The following SLIT3 variants were observed in gnomAD, a reference collection of about 807,000 sequenced individuals.
SLIT3 encodes slit guidance ligand 3.
SLIT3 carries 68 observed loss-of-function variants against 184.0 expected under a neutral mutation model. That is an observed-to-expected ratio of 0.37 (90% confidence interval 0.30 to 0.45). The LOEUF is 0.45. Among genes scored for constraint, SLIT3 ranks in the 20% least tolerant of loss-of-function variants. SLIT3 has a pLI of 1.00. For missense variants in SLIT3, 1,707 were observed against 2,026.0 expected (o/e 0.84, Z 3.02); for synonymous variants, 831 against 828.6 (o/e 1.00, Z -0.05).
intron 5 of SLIT3, among the ~76,000 whole-genome samples, chr5:168,846,633 A>G (rs1369179583): frequency 6.6e-6 from 1 of 152,206 alleles, no homozygotes; most frequent in Non-Finnish European, 1.5e-5. Flanking sequence ...TTCGGCAAAA[A>G]TGGCACCATC....
intron 4 of SLIT3, among the ~76,000 whole-genome samples, chr5:169,089,595 C>G (rs975053948): frequency 1.3e-4 from 20 of 152,180 alleles, no homozygotes; most frequent in African/African-American, 4.6e-4. Flanking sequence ...GTGGTGAATC[C>G]TTCACTCTGG....
chr5:168,920,250 C>G (rs1404974681), intron 4 of SLIT3, among the ~76,000 whole-genome samples: 1 of 152,174 alleles, frequency 6.6e-6, no homozygotes, highest in Non-Finnish European at 1.5e-5. Context: ...GCACACTTAC[C>G]TGATTCACCT....
chr5:169,233,394 T>C (rs1477467022), intron 3 of SLIT3, among the ~76,000 whole-genome samples: 1 of 130,260 alleles, frequency 7.7e-6, no homozygotes, highest in Non-Finnish European at 1.7e-5. Context: ...TGTTGGTATA[T>C]AGAAATTGTC....
At chr5:168,714,290 G>A (rs1207669796) in intron 23 of SLIT3, among the ~76,000 whole-genome samples, 1 of 152,240 alleles carries the variant, frequency 6.6e-6, no homozygotes, top group Non-Finnish European at 1.5e-5. Context: ...TAGGCACCCA[G>A]CTTTATTGTT....
chr5:168,830,896 G>C (rs994632137), intron 6 of SLIT3, among the ~76,000 whole-genome samples: 39 of 152,318 alleles, frequency 2.6e-4, no homozygotes, highest in African/African-American at 8.7e-4. Context: ...TGAATCACAT[G>C]AGTTTGTGAG....
chr5:168,972,870 C>T (rs1754627608), intron 4 of SLIT3, among the ~76,000 whole-genome samples: 1 of 152,224 alleles, frequency 6.6e-6, no homozygotes, highest in Admixed American at 6.5e-5. Context: ...AGGTCAAATG[C>T]ATTCTTTCCC....
chr5:169,166,314 C>T (rs1241953173), intron 4 of SLIT3, among the ~76,000 whole-genome samples: 1 of 152,124 alleles, frequency 6.6e-6, no homozygotes, highest in Non-Finnish European at 1.5e-5. Flanking sequence ...GAATTATTCT[C>T]TCAACGTGTT....
chr5:168,965,290 A>G (rs1190548394), intron 4 of SLIT3, among the ~76,000 whole-genome samples: 1 of 152,220 alleles, frequency 6.6e-6, no homozygotes. Flanking sequence ...AGAGATAAAC[A>G]TGTTGTTTAG....
At chr5:168,703,455 A>G (rs1762278152) in intron 26 of SLIT3, among the ~76,000 whole-genome samples, 1 of 152,056 alleles carries the variant, frequency 6.6e-6, no homozygotes, top group Non-Finnish European at 1.5e-5. Context: ...GTGGCGTTAG[A>G]TTCTCATAGG....
At chr5:168,694,005 T>A (rs1561878180) in intron 28 of SLIT3, among the ~76,000 whole-genome samples, 1 of 152,138 alleles carries the variant, frequency 6.6e-6, no homozygotes, top group Non-Finnish European at 1.5e-5. Context: ...GTACCTGAGT[T>A]TCCCGGGAAT....
intron 4 of SLIT3, among the ~76,000 whole-genome samples, chr5:168,890,532 T>C (rs1760414639): frequency 6.6e-6 from 1 of 152,254 alleles, no homozygotes; most frequent in Non-Finnish European, 1.5e-5. Context: ...ACACATTCAT[T>C]CCTGTTAATT....
chr5:168,985,416 T>C (rs1289338371), intron 4 of SLIT3, among the ~76,000 whole-genome samples: 1 of 152,198 alleles, frequency 6.6e-6, no homozygotes, highest in Non-Finnish European at 1.5e-5. Context: ...AAGGCTTTGC[T>C]TCCGGCAAGG....
At chr5:168,941,700 G>A (rs1017392294) in intron 4 of SLIT3, among the ~76,000 whole-genome samples, 1 of 152,162 alleles carries the variant, frequency 6.6e-6, no homozygotes, top group African/African-American at 2.4e-5. Flanking sequence ...ATGATAAAAG[G>A]CTCATCGAAA....
intron 20 of SLIT3, among the ~76,000 whole-genome samples, chr5:168,727,966 G>GTCCAGGGAGGATCTCTTC (rs1763184953): frequency 6.6e-6 from 1 of 152,130 alleles, no homozygotes; most frequent in African/African-American, 2.4e-5. Context: ...AGAAGCGCTG[G>GTCCAGGGAGGATCTCTTC]TCCAGGGAGG....
At chr5:169,068,603 C>T (rs1758436374) in intron 4 of SLIT3, among the ~76,000 whole-genome samples, 1 of 152,148 alleles carries the variant, frequency 6.6e-6, no homozygotes, top group African/African-American at 2.4e-5. Flanking sequence ...ATAATCCTTT[C>T]TGGCAACTCA....
intron 4 of SLIT3, among the ~76,000 whole-genome samples, chr5:169,033,810 A>ATTTT (rs568929106): frequency 8.6e-5 from 10 of 116,136 alleles, no homozygotes; most frequent in Non-Finnish European, 1.3e-4. Flanking sequence ...CTATTGTATG[A>ATTTT]TTTTTTTTTT....
At chr5:168,847,190 G>A (rs1371684387) in intron 5 of SLIT3, among the ~76,000 whole-genome samples, 1 of 152,152 alleles carries the variant, frequency 6.6e-6, no homozygotes, top group Non-Finnish European at 1.5e-5. Context: ...GGAAAACTGA[G>A]CTTTACTATA....
At chr5:169,246,491 C>T (rs907776878) in intron 2 of SLIT3, among the ~76,000 whole-genome samples, 5 of 152,178 alleles carry the variant, frequency 3.3e-5, no homozygotes, top group African/African-American at 1.2e-4. Context: ...AGTGGGTTAA[C>T]TAGCCAACCT....
In SLIT3 at chr5:168,923,516, CTTT is replaced by C. The variant is rs35732966; in HGVS notation, c.414-40183_414-40181del. ...ATTAGGTAACCCCCTTCCTAAATAT[CTTT>C]TTTTTTTTTTTTTTTGAGATGGAGT... On this transcript the variant is annotated intron_variant, in intron 4 of 35. Coordinates refer to ENST00000519560, the MANE Select transcript of SLIT3 (RefSeq NM_003062.4). 5.0e-4 allele frequency among the ~76,000 whole-genome samples: 67 copies of C among 134,314 alleles called. No homozygotes were observed. The East Asian group carries it at 8.0e-3, about 16-fold the overall frequency. 88.1% of individuals were successfully genotyped at this position (134,314 alleles called of 152,430 possible). A position where few individuals can be genotyped will look rare whatever the true frequency, so the allele number is the denominator to read the frequency against.
Sources: allele counts gnomAD v4.1 joint callset (sites outside exome capture counted in the v4.1 genomes callset), GRCh38; gene constraint gnomAD v4.1.1; transcripts MANE v1.5; gene names NCBI Gene and HGNC (gene_info 2026-07-23, HGNC 2026-07-21).